Variants in PLXNA4 observed in about 807,000 individuals in gnomAD.
PLXNA4 encodes plexin A4, also known as plexin-A4.
A neutral mutation model predicts 191.8 loss-of-function variants in PLXNA4; 44 were observed. That is an observed-to-expected ratio of 0.23 (90% CI 0.18 to 0.29). The LOEUF (loss-of-function observed/expected upper bound fraction) is 0.29. PLXNA4 is among the 10% of genes least tolerant of loss of function. The pLI, the probability that PLXNA4 is intolerant of heterozygous loss-of-function variation, is 1.00. For synonymous variants in PLXNA4, 1,082 were observed against 1,009.5 expected (o/e 1.07, Z -1.36); for missense variants, 1,800 against 2,488.8 (o/e 0.72, Z 5.89).
At chr7:132,159,686 C>T in intron 24 of PLXNA4, 54 bp from the exon 25 acceptor site, 1 of 1,601,770 alleles carries the variant, frequency 6.2e-7, no homozygotes, top group African/African-American at 1.3e-5. Flanking sequence ...AGGAAAAGCT[C>T]CTAGATCCCC....
chr7:132,485,765 A>G (rs1295426414), intron 3 of PLXNA4, among the ~76,000 whole-genome samples: 1 of 152,202 alleles, frequency 6.6e-6, no homozygotes, highest in Non-Finnish European at 1.5e-5. Context: ...CACCACAGGA[A>G]GAGGCTGCCA....
At chr7:132,189,001 AG>A (rs1584817308) in intron 14 of PLXNA4, among the ~76,000 whole-genome samples, 6 of 57,438 alleles carry the variant, frequency 1.0e-4, no homozygotes, top group East Asian at 1.4e-3. Context: ...AAGGAGAGAG[AG>A]AGAGAGAGAG....
chr7:132,555,099 C>T (rs1182345265), intron 1 of PLXNA4, among the ~76,000 whole-genome samples: 1 of 142,482 alleles, frequency 7.0e-6, no homozygotes, highest in Admixed American at 7.1e-5. Context: ...GGCAAAAAAA[C>T]CACATTATCT....
chr7:132,189,030 A>T, intron 14 of PLXNA4, among the ~76,000 whole-genome samples: 1 of 61,956 alleles, frequency 1.6e-5, no homozygotes, highest in East Asian at 4.7e-4. Context: ...GAGAGAGAGA[A>T]AGAGAGAGAG....
At position 132,615,393 on chromosome 7, in the gene PLXNA4, C is replaced by A. The variant is rs182481358; in HGVS notation, c.-87+30535G>T. ...CTGCCGCCGTGGGGACTTCTGCAGC[C>A]CCCGCCCCTGGCGGAGGGGACGGGG... On this transcript the variant is annotated intron_variant, in intron 2 of 4. Transcript: ENST00000378539. Among the ~76,000 whole-genome samples, 1,412 of 152,296 alleles carry A rather than the reference C, an allele frequency of 9.3e-3. 15 individuals carry two copies. Among genetic ancestry groups the A allele is most frequent in the Non-Finnish European group, 0.013 (867 of 68,014 alleles).
At chr7:132,186,965 A>T (rs1453295766) in intron 15 of PLXNA4, among the ~76,000 whole-genome samples, 1 of 152,192 alleles carries the variant, frequency 6.6e-6, no homozygotes, top group African/African-American at 2.4e-5. Flanking sequence ...GCTCCTATGG[A>T]TAACATCACT....
chr7:132,522,869 T>C lies in PLXNA4; in HGVS notation c.-86-14090A>G, dbSNP rs181869741. On this transcript the variant is annotated intron_variant, in intron 1 of 31. Coordinates refer to ENST00000321063, the MANE Select transcript of PLXNA4 (RefSeq NM_020911.2). ...AAGGGAAATTTGTCTAGAAGGCCCA[T>C]GATAAATGCACAGATGTTAACTGGG... 5.3e-4 allele frequency among the ~76,000 whole-genome samples: 80 copies of C among 152,272 alleles called. 2 individuals are homozygous for C. Among genetic ancestry groups the C allele is most frequent in the African/African-American group, 1.7e-3 (70 of 41,550 alleles).
chr7:132,441,618 T>C (rs1022472305), intron 3 of PLXNA4, among the ~76,000 whole-genome samples: 4 of 152,274 alleles, frequency 2.6e-5, no homozygotes, highest in Non-Finnish European at 5.9e-5. Flanking sequence ...TTTTAGGTAG[T>C]AATGAATGGA....
intron 3 of PLXNA4, among the ~76,000 whole-genome samples, chr7:132,476,334 A>G (rs1036201454): frequency 2.0e-5 from 3 of 152,216 alleles, no homozygotes; most frequent in Non-Finnish European, 2.9e-5. Flanking sequence ...TATGGTACCC[A>G]GTTATGGATG....
chr7:132,344,191 C>A lies in PLXNA4; in HGVS notation c.1372-45969G>T, dbSNP rs11761311. Among the ~76,000 whole-genome samples the A allele has an allele frequency of 6.1e-4, 93 of 152,148 alleles. 1 individual carries two copies. Among genetic ancestry groups the A allele is most frequent in the Admixed American group, 1.4e-3 (22 of 15,288 alleles). ...GAGCTCACCTTGACTGTCCACAGCA[C>A]AGAAGGGGTGCCATGACAGCCCTAT... On this transcript the variant is annotated intron_variant, in intron 3 of 31. Transcript: ENST00000321063.
intron 1 of PLXNA4, among the ~76,000 whole-genome samples, chr7:132,517,618 T>A (rs1328760405): frequency 6.6e-6 from 1 of 152,220 alleles, no homozygotes; most frequent in Non-Finnish European, 1.5e-5. Context: ...TTGTGGTGCA[T>A]CAGGCTCTGG....
At position 132,126,007 on chromosome 7, in the gene PLXNA4, G is replaced by A. The variant is rs186731945; in HGVS notation, c.*4472C>T. On this transcript the variant is annotated 3_prime_UTR_variant, in exon 32 of 32. Transcript: ENST00000321063. ...CACTGCTTGGCTGTCTGTGAGGTGGGAGGTTTGTCCTTGACTGATAACAAT... is the reference window on the plus strand; with the variant it reads ...CACTGCTTGGCTGTCTGTGAGGTGGAAGGTTTGTCCTTGACTGATAACAAT... The A allele has an allele frequency of 7.7e-4, 118 of 152,430 alleles. No individual in the cohort carries two copies. The highest frequency in any genetic ancestry group is 2.7e-3 in the African/African-American group (113 of 41,564). The allele number at this position is 152,430 out of a possible 1,614,324, so 9.4% of individuals were successfully genotyped here. A position where few individuals can be genotyped will look rare whatever the true frequency, so the allele number is the denominator to read the frequency against.
At chr7:132,207,308 G>A (rs1797657308) in intron 10 of PLXNA4, among the ~76,000 whole-genome samples, 2 of 152,190 alleles carry the variant, frequency 1.3e-5, no homozygotes, top group South Asian at 2.1e-4. Flanking sequence ...AAAACCAGAG[G>A]CCAGCATGAG....
intron 2 of PLXNA4, among the ~76,000 whole-genome samples, chr7:132,599,624 A>G (rs1189727764): frequency 6.6e-6 from 1 of 151,920 alleles, no homozygotes; most frequent in African/African-American, 2.4e-5. Context: ...GTAAGTGATC[A>G]TATCATTTGC....
At chr7:132,453,984 G>T (rs564452367) in intron 3 of PLXNA4, among the ~76,000 whole-genome samples, 2 of 152,326 alleles carry the variant, frequency 1.3e-5, no homozygotes, top group African/African-American at 4.8e-5. Flanking sequence ...TGAAAGAGCA[G>T]AATGAGGTTT....
Position 132,129,722 on chromosome 7 carries a change from T to C in PLXNA4, c.*757A>G, listed in dbSNP as rs1027218513. 1.3e-5 allele frequency: 2 copies of C among 152,658 alleles called. No homozygotes were observed. Among genetic ancestry groups the C allele is most frequent in the African/African-American group, 4.8e-5 (2 of 41,446 alleles). 9.5% of individuals were successfully genotyped at this position (152,658 alleles called of 1,614,324 possible). A position where few individuals can be genotyped will look rare whatever the true frequency, so the allele number is the denominator to read the frequency against. The stretch of plus-strand genomic sequence containing the variant: ...GATGAAAAGGTCAGGAGCATCTCCA[T>C]GGTGGAATGTAATTGCTATTCTTTC... On this transcript the variant is annotated 3_prime_UTR_variant, in exon 32 of 32. Coordinates refer to ENST00000321063, the MANE Select transcript of PLXNA4 (RefSeq NM_020911.2).
At chr7:132,230,201 C>G (rs981114961) in intron 5 of PLXNA4, among the ~76,000 whole-genome samples, 1 of 152,166 alleles carries the variant, frequency 6.6e-6, no homozygotes, top group Non-Finnish European at 1.5e-5. Context: ...ACAAACCCCA[C>G]CTTGTCAGGA....
At chr7:132,501,369 C>T (rs531098630) in intron 2 of PLXNA4, among the ~76,000 whole-genome samples, 22 of 152,262 alleles carry the variant, frequency 1.4e-4, no homozygotes, top group African/African-American at 5.3e-4. Flanking sequence ...ACATGCAGTC[C>T]ATGTCTCAGT....
At chr7:132,570,523 G>A (rs550694533) in intron 1 of PLXNA4, among the ~76,000 whole-genome samples, 3 of 152,300 alleles carry the variant, frequency 2.0e-5, no homozygotes, top group East Asian at 1.9e-4. Context: ...GTGCTCATTC[G>A]AGAAGAGTTC....
Sources: allele counts gnomAD v4.1 joint callset (sites outside exome capture counted in the v4.1 genomes callset), GRCh38; gene constraint gnomAD v4.1.1; transcripts MANE v1.5; gene names NCBI Gene and HGNC (gene_info 2026-07-23, HGNC 2026-07-21).